GPC6: variants seen among roughly 807,000 people sequenced by gnomAD.
GPC6 encodes the protein glypican 6.
GPC6 carries 14 observed loss-of-function variants against 55.2 expected under a neutral mutation model. The observed-to-expected ratio is 0.25, with a 90% CI of 0.17 to 0.40. The LOEUF (loss-of-function observed/expected upper bound fraction) is 0.40, where lower values mean the gene tolerates loss of function less well. GPC6 is among the 10% of genes least tolerant of loss of function. The probability of loss-of-function intolerance (pLI) is 1.00; values close to 1 mark genes in which losing one functional copy is unlikely to be tolerated. For missense variants in GPC6, 641 were observed against 708.5 expected (o/e 0.90, Z 1.08); for synonymous variants, 278 against 259.6 (o/e 1.07, Z -0.68).
chr13:93,304,296 T>C (rs572417749), intron 1 of GPC6, among the ~76,000 whole-genome samples: 7 of 152,320 alleles, frequency 4.6e-5, no homozygotes, highest in African/African-American at 9.6e-5. Context: ...TACATTTCCA[T>C]GTGACCAAGG....
At chr13:94,018,978 C>T (rs1023535312) in intron 3 of GPC6, among the ~76,000 whole-genome samples, 4 of 152,172 alleles carry the variant, frequency 2.6e-5, no homozygotes, top group South Asian at 2.1e-4. Flanking sequence ...TTGTCTTCCA[C>T]GAAACTTGTG....
Position 94,106,293 on chromosome 13 carries a change from G to A in GPC6, c.877+78399G>A, listed in dbSNP as rs113533182. Among the ~76,000 whole-genome samples the A allele has an allele frequency of 8.7e-3, 1,312 of 151,226 alleles. 23 individuals are homozygous for A. The highest frequency in any genetic ancestry group is 0.03 in the African/African-American group (1,253 of 41,278). The stretch of plus-strand genomic sequence containing the variant: ...AAGGTCATGGTCAACAGTGTTAGAT[G>A]CCCTAAGAATCTGAGAAAAGGTTAC... On this transcript the variant is annotated intron_variant, in intron 4 of 8. Transcript: ENST00000377047.
chr13:93,609,446 C>T (rs560420113), intron 2 of GPC6, among the ~76,000 whole-genome samples: 1 of 152,300 alleles, frequency 6.6e-6, no homozygotes, highest in Admixed American at 6.5e-5. Context: ...CCCTATTGGC[C>T]AGACTGGTCT....
At chr13:93,481,306 G>T (rs1269848477) in intron 1 of GPC6, among the ~76,000 whole-genome samples, 1 of 151,978 alleles carries the variant, frequency 6.6e-6, no homozygotes, top group Non-Finnish European at 1.5e-5. Context: ...TTTGTGTATT[G>T]TAAGGAGTAT....
intron 2 of GPC6, among the ~76,000 whole-genome samples, chr13:93,649,313 C>A (rs1280925339): frequency 6.6e-6 from 1 of 152,066 alleles, no homozygotes; most frequent in African/African-American, 2.4e-5. Context: ...TTAGCCTGGT[C>A]TGGTGGCTCA....
chr13:94,270,901 AG>A (rs1891974986), intron 4 of GPC6, among the ~76,000 whole-genome samples: 1 of 148,170 alleles, frequency 6.7e-6, no homozygotes, highest in Non-Finnish European at 1.5e-5. Flanking sequence ...TGCTGGCTGC[AG>A]TTCCCAGGGG....
chr13:93,724,252 A>G (rs1594402795), intron 2 of GPC6, among the ~76,000 whole-genome samples: 1 of 151,980 alleles, frequency 6.6e-6, no homozygotes, highest in East Asian at 1.9e-4. Flanking sequence ...TTTCAGTTTG[A>G]AGATGTATTG....
At chr13:93,278,202 C>T (rs1193658212) in intron 1 of GPC6, among the ~76,000 whole-genome samples, 2 of 152,070 alleles carry the variant, frequency 1.3e-5, no homozygotes, top group Non-Finnish European at 2.9e-5. Context: ...ATAGAAAGTG[C>T]CACAGTGATT....
intron 1 of GPC6, among the ~76,000 whole-genome samples, chr13:93,325,082 A>G (rs1017824026): frequency 4.7e-5 from 7 of 148,086 alleles, no homozygotes; most frequent in African/African-American, 1.5e-4. Context: ...ACTTAGGAAT[A>G]TCTCTGGATG....
chr13:94,350,131 T>C (rs1327537964), intron 6 of GPC6, among the ~76,000 whole-genome samples: 1 of 151,962 alleles, frequency 6.6e-6, no homozygotes, highest in Non-Finnish European at 1.5e-5. Context: ...TCATCTTTGG[T>C]ATCTTTGAAA....
intron 2 of GPC6, among the ~76,000 whole-genome samples, chr13:93,686,089 C>A (rs1351512050): frequency 6.6e-6 from 1 of 152,062 alleles, no homozygotes; most frequent in Admixed American, 6.6e-5. Flanking sequence ...ATTTGGATAG[C>A]AGTTTTGATA....
At chr13:94,183,731 T>G (rs994340427) in intron 4 of GPC6, among the ~76,000 whole-genome samples, 1 of 152,204 alleles carries the variant, frequency 6.6e-6, no homozygotes, top group Non-Finnish European at 1.5e-5. Context: ...CAGTAATTGT[T>G]TCTTAGGATT....
intron 2 of GPC6, among the ~76,000 whole-genome samples, chr13:93,653,768 G>C (rs1202126139): frequency 6.6e-6 from 1 of 152,076 alleles, no homozygotes; most frequent in Non-Finnish European, 1.5e-5. Context: ...AGGAAATCCA[G>C]ACTCCTTTAG....
chr13:94,383,304 G>T (rs1247280420), intron 7 of GPC6, among the ~76,000 whole-genome samples: 2 of 152,174 alleles, frequency 1.3e-5, no homozygotes, highest in Non-Finnish European at 2.9e-5. Context: ...AGCGGGTAAA[G>T]TAGCTGGTAA....
At chr13:93,781,285 A>G (rs987544763) in intron 2 of GPC6, among the ~76,000 whole-genome samples, 1 of 152,014 alleles carries the variant, frequency 6.6e-6, no homozygotes, top group Admixed American at 6.6e-5. Context: ...CGAAAAAAAA[A>G]AAAAAGAAAA....
rs1360343387 is a variant in GPC6 at position 93,597,021 on chromosome 13, AAAAAAAAAAG to A, written c.319+51605_319+51614del. On this transcript the variant is annotated intron_variant, in intron 2 of 8. Transcript: ENST00000377047. ...TTCAAATCTGGCAAAAAAAAAAAAA[AAAAAAAAAAG>A]AAAAGAAAAGACTAGTGTTTCAGCT... Among the ~76,000 whole-genome samples the A allele has an allele frequency of 4.1e-3, 610 of 149,588 alleles. 2 individuals carry two copies. The highest frequency in any genetic ancestry group is 0.017 in the Middle Eastern group (5 of 290).
intron 2 of GPC6, among the ~76,000 whole-genome samples, chr13:93,659,596 C>T (rs1476048023): frequency 6.6e-6 from 1 of 152,020 alleles, no homozygotes; most frequent in African/African-American, 2.4e-5. Context: ...ATCAACATAG[C>T]TGTATACATC....
chr13:93,727,077 A>G (rs1318381813), intron 2 of GPC6, among the ~76,000 whole-genome samples: 1 of 152,130 alleles, frequency 6.6e-6, no homozygotes, highest in East Asian at 1.9e-4. Context: ...TAAGGAACAA[A>G]TATTTACTGA....
At chr13:93,599,221 A>G (rs1317189887) in intron 2 of GPC6, among the ~76,000 whole-genome samples, 1 of 152,060 alleles carries the variant, frequency 6.6e-6, no homozygotes, top group Non-Finnish European at 1.5e-5. Flanking sequence ...ATTTATAGAT[A>G]TACATATTTT....
Sources: gnomAD v4.1 joint callset for allele counts (sites outside exome capture counted in the v4.1 genomes callset) on GRCh38, gnomAD v4.1.1 for gene constraint, MANE v1.5 for transcripts, NCBI Gene and HGNC (gene_info 2026-07-23, HGNC 2026-07-21) for gene names.